The following DPF3 variants were observed in gnomAD, a reference collection of about 807,000 sequenced individuals.
DPF3 encodes the protein zinc finger protein DPF3.
In DPF3, 18 loss-of-function variants were observed where a neutral mutation model predicts 56.8. The ratio of observed to expected loss-of-function variants is 0.32; its 90% confidence interval spans 0.22 to 0.47. The LOEUF is 0.47. Among genes scored for constraint, DPF3 ranks in the 20% least tolerant of loss-of-function variants. The pLI is 1.00. For missense variants in DPF3, 403 were observed against 488.8 expected (o/e 0.82, Z 1.65); for synonymous variants, 188 against 180.2 (o/e 1.04, Z -0.35).
intron 1 of DPF3, among the ~76,000 whole-genome samples, chr14:72,828,240 G>T (rs887280321): frequency 2.6e-5 from 4 of 152,204 alleles, no homozygotes; most frequent in Non-Finnish European, 5.9e-5. Context: ...GCTGGGTACA[G>T]GGTCATGCAA....
Position 72,614,961 on chromosome 14 carries a change from A to G in DPF3, c.*4336T>C, listed in dbSNP as rs1370453798. Among the ~76,000 whole-genome samples, 1 of 145,196 alleles carries G rather than the reference A, an allele frequency of 6.9e-6. No individual in the cohort carries two copies. The highest frequency in any genetic ancestry group is 1.5e-5 in the Non-Finnish European group (1 of 66,224). On this transcript the variant is annotated 3_prime_UTR_variant, in exon 11 of 11. Transcript: ENST00000556509. The stretch of plus-strand genomic sequence containing the variant: ...CCCCTGTCTTTCTCCCTCCCCAGGA[A>G]TGGAAGCCTGCTAAAAGGGACACCA...
intron 1 of DPF3, among the ~76,000 whole-genome samples, chr14:72,893,162 G>T (rs1163963507): frequency 6.6e-6 from 1 of 151,932 alleles, no homozygotes; most frequent in Admixed American, 6.5e-5. Context: ...GCGGCCAGAG[G>T]CACCTGCCCC....
chr14:72,872,847 G>C (rs1419879666), intron 1 of DPF3, among the ~76,000 whole-genome samples: 2 of 152,214 alleles, frequency 1.3e-5, no homozygotes, highest in Admixed American at 6.5e-5. Context: ...AATAAATGGT[G>C]CTGGGAAAAC....
intron 4 of DPF3, 59 bp from the exon 5 acceptor site, chr14:72,723,787 C>G (rs1889282257): frequency 6.8e-7 from 1 of 1,472,400 alleles, no homozygotes; most frequent in South Asian, 1.2e-5. Flanking sequence ...GAAAAACCAT[C>G]AGAGAGTAAT....
At chr14:72,796,452 A>G (rs1443920659) in intron 1 of DPF3, among the ~76,000 whole-genome samples, 1 of 152,176 alleles carries the variant, frequency 6.6e-6, no homozygotes. Context: ...ACAATAAGCC[A>G]AGATCATGCC....
At chr14:72,812,118 A>C (rs1883073031) in intron 1 of DPF3, among the ~76,000 whole-genome samples, 1 of 152,064 alleles carries the variant, frequency 6.6e-6, no homozygotes. Flanking sequence ...GTTAAAGACC[A>C]AGTTAAAGAC....
intron 6 of DPF3, among the ~76,000 whole-genome samples, chr14:72,713,047 G>A (rs866833061): frequency 6.6e-6 from 1 of 152,340 alleles, no homozygotes; most frequent in Admixed American, 6.5e-5. Flanking sequence ...GTCTCTCAAG[G>A]GTCAGCATGC....
Position 72,618,888 on chromosome 14 carries a change from G to A in DPF3, c.*409C>T, listed in dbSNP as rs1440696924. 2.0e-5 allele frequency among the ~76,000 whole-genome samples: 3 copies of A among 152,302 alleles called. No homozygotes were observed. The highest frequency in any genetic ancestry group is 7.2e-5 in the African/African-American group (3 of 41,566). ...GCAGACCCTAAGCTGGGGGCACGGG[G>A]GCTGTGCCAAGATTTCTTGGAACAC... On this transcript the variant is annotated 3_prime_UTR_variant, in exon 11 of 11. Coordinates refer to ENST00000556509, the MANE Select transcript of DPF3 (RefSeq NM_001280542.3).
At chr14:72,646,333 A>G (rs2803973) in intron 8 of DPF3, among the ~76,000 whole-genome samples, 4,124 of 152,286 alleles carry the variant, frequency 0.027, 147 homozygotes, top group African/African-American at 0.072. Flanking sequence ...GGAGGATGGG[A>G]TATCTGCTTA....
rs1405757687 is a variant in DPF3, at chr14:72,757,551, G to A, written c.194-4180C>T. 2.0e-5 allele frequency among the ~76,000 whole-genome samples: 3 copies of A among 152,082 alleles called. No individual in the cohort carries two copies. In the East Asian group the frequency reaches 5.8e-4, roughly 29 times the overall value. The stretch of plus-strand genomic sequence containing the variant: ...AGAGGAATAAGAGTTGTAGGAAAGA[G>A]TTAGTGACTACCCCTGCTCAGAACC... On this transcript the variant is annotated intron_variant, in intron 2 of 10. Coordinates refer to ENST00000556509, the MANE Select transcript of DPF3 (RefSeq NM_001280542.3).
rs377560664 is a variant in DPF3, at chr14:72,670,984, T to C, written c.871+3256A>G. On this transcript the variant is annotated intron_variant, in intron 8 of 10. Coordinates refer to ENST00000556509, the MANE Select transcript of DPF3 (RefSeq NM_001280542.3). ...CAAAACAGAGGGGTGGGGGGAGGGA[T>C]GGAGGGACACGTGGGAGGTGAAGGG... 13 of 875,810 alleles carry C rather than the reference T, an allele frequency of 1.5e-5. No homozygotes were observed. In the East Asian group the frequency reaches 1.6e-4, roughly 11 times the overall value. The allele number at this position is 875,810 out of a possible 1,614,324, so 54.3% of individuals were successfully genotyped here.
At chr14:72,818,901 T>C (rs1251751960) in intron 1 of DPF3, among the ~76,000 whole-genome samples, 2 of 152,230 alleles carry the variant, frequency 1.3e-5, no homozygotes, top group East Asian at 3.8e-4. Context: ...GTACATAGTA[T>C]AGTCATACAG....
chr14:72,709,668 C>T (rs1219777409), intron 6 of DPF3, among the ~76,000 whole-genome samples: 1 of 152,068 alleles, frequency 6.6e-6, no homozygotes, highest in East Asian at 1.9e-4. Flanking sequence ...TATGGCGGTT[C>T]TAGAGTTGAG....
chr14:72,765,842 A>C (rs1025954172), intron 2 of DPF3, among the ~76,000 whole-genome samples: 2 of 152,288 alleles, frequency 1.3e-5, no homozygotes, highest in Middle Eastern at 3.4e-3. Context: ...TGAACCCAGG[A>C]GGCGGAGCTT....
At chr14:72,714,726 A>G (rs1301836863) in intron 5 of DPF3, among the ~76,000 whole-genome samples, 7 of 152,146 alleles carry the variant, frequency 4.6e-5, no homozygotes, top group Non-Finnish European at 8.8e-5. Context: ...CAACTCCAAG[A>G]GGTGGTTTCT....
chr14:72,631,337 A>G (rs1419693066), intron 8 of DPF3, among the ~76,000 whole-genome samples: 3 of 152,240 alleles, frequency 2.0e-5, no homozygotes, highest in Admixed American at 6.5e-5. Context: ...GAAGCCTTAC[A>G]TTAAAAGCCT....
At chr14:72,804,342 A>G (rs565510151) in intron 1 of DPF3, among the ~76,000 whole-genome samples, 1 of 152,238 alleles carries the variant, frequency 6.6e-6, no homozygotes, top group East Asian at 1.9e-4. Context: ...ATGCCAACCT[A>G]TAATTATCCT....
At chr14:72,640,293 A>T (rs1232028290) in intron 8 of DPF3, among the ~76,000 whole-genome samples, 1 of 152,164 alleles carries the variant, frequency 6.6e-6, no homozygotes, top group African/African-American at 2.4e-5. Flanking sequence ...GGAGGTTTTT[A>T]AGCAAGAAAC....
intron 6 of DPF3, among the ~76,000 whole-genome samples, chr14:72,704,255 G>C (rs1888310927): frequency 6.6e-6 from 1 of 152,174 alleles, no homozygotes; most frequent in South Asian, 2.1e-4. Context: ...CTTAAATTAA[G>C]AGTGAAACTG....
Sources: gnomAD v4.1 joint callset for allele counts (sites outside exome capture counted in the v4.1 genomes callset) on GRCh38, gnomAD v4.1.1 for gene constraint, MANE v1.5 for transcripts, NCBI Gene and HGNC (gene_info 2026-07-23, HGNC 2026-07-21) for gene names.